Variants in INPP4A observed in about 807,000 individuals in gnomAD.
The protein encoded by INPP4A is inositol polyphosphate-4-phosphatase, type I, 107kD.
Under a neutral mutation model 119.8 loss-of-function variants are expected in INPP4A, and 33 were observed. That is an observed-to-expected ratio of 0.28 (90% CI 0.21 to 0.37). The LOEUF (loss-of-function observed/expected upper bound fraction) is 0.37, where lower values mean the gene tolerates loss of function less well. INPP4A is among the 10% of genes least tolerant of loss of function. INPP4A has a pLI of 1.00. For synonymous variants in INPP4A, 496 were observed against 500.7 expected (o/e 0.99, Z 0.12); for missense variants, 956 against 1,289.9 (o/e 0.74, Z 3.97).
At chr2:98,531,409 A>G (rs222) in intron 4 of INPP4A, among the ~76,000 whole-genome samples, 36,808 of 152,188 alleles carry the variant, frequency 0.24, 4,902 homozygotes, top group African/African-American at 0.34. Context: ...TAAAAACAGC[A>G]TAGTGAGAGG....
At chr2:98,575,299 C>T (rs1217848968) in intron 23 of INPP4A, among the ~76,000 whole-genome samples, 1 of 152,240 alleles carries the variant, frequency 6.6e-6, no homozygotes, top group Non-Finnish European at 1.5e-5. Context: ...CACTGGCCAT[C>T]CCTGCCTGCC....
intron 11 of INPP4A, among the ~76,000 whole-genome samples, chr2:98,544,576 A>G (rs1393097305): frequency 6.6e-6 from 1 of 152,264 alleles, no homozygotes; most frequent in African/African-American, 2.4e-5. Flanking sequence ...TTTGATTTTC[A>G]AAACACTCTC....
rs1700412082 is a variant in INPP4A, at chr2:98,591,693, C to T, written c.*4085C>T. On this transcript the variant is annotated 3_prime_UTR_variant, in exon 25 of 25. Coordinates refer to ENST00000409851, the MANE Select transcript of INPP4A (RefSeq NM_001134225.2). ...ATCTAGGGGAGTTGTCCCAGGGAGG[C>T]TTTGCGCTGGAGGAAGGTAAGAGGA... 6.6e-6 allele frequency: 1 copy of T among 152,192 alleles called. No individual in the cohort carries two copies. The highest frequency in any genetic ancestry group is 1.9e-4 in the East Asian group (1 of 5,172). 9.4% of individuals were successfully genotyped at this position (152,192 alleles called of 1,614,324 possible).
intron 10 of INPP4A, 35 bp downstream of exon 10, chr2:98,539,710 A>G (rs1691028074): frequency 6.3e-7 from 1 of 1,581,592 alleles, no homozygotes; most frequent in South Asian, 1.2e-5. Context: ...TGTCCATCAT[A>G]CCCATGTCAT....
At chr2:98,567,130 G>A (rs185221428) in intron 21 of INPP4A, among the ~76,000 whole-genome samples, 2 of 152,300 alleles carry the variant, frequency 1.3e-5, no homozygotes, top group Non-Finnish European at 2.9e-5. Context: ...TCGCTGGCAC[G>A]TGCCGGGAGG....
chr2:98,499,162 T>A (rs1682626578), intron 1 of INPP4A, among the ~76,000 whole-genome samples: 1 of 152,214 alleles, frequency 6.6e-6, no homozygotes. Flanking sequence ...TTTCTACCCT[T>A]CTTCATATAT....
chr2:98,490,650 T>C (rs1271563198), intron 1 of INPP4A, among the ~76,000 whole-genome samples: 1 of 152,178 alleles, frequency 6.6e-6, no homozygotes, highest in Non-Finnish European at 1.5e-5. Flanking sequence ...GATACTTTCC[T>C]TCCTCTCTTC....
At position 98,539,673 on chromosome 2, in the gene INPP4A, C is replaced by A; in HGVS notation, c.816C>A (p.Ala272=). 6.2e-7 allele frequency: 1 copy of A among 1,606,382 alleles called. No individual in the cohort carries two copies. Among genetic ancestry groups the A allele is most frequent in the Non-Finnish European group, 8.5e-7 (1 of 1,176,786 alleles). The change falls in exon 10 of 25, where the codon GCC becomes GCA. Residue 272 remains alanine, a splice_region_variant and synonymous_variant. Transcript: ENST00000409851. The part of the protein sequence containing the change: ...FVKLLLEEDA[A]RVCELEELGE... ...AGCTCCTACTAGAGGAAGATGCAGC[C>A]AGGTGAGGCCACATGGAAGGACTGA... is the stretch of plus-strand genomic sequence containing the variant.
chr2:98,547,475 G>A (rs1692676369), intron 13 of INPP4A, among the ~76,000 whole-genome samples: 1 of 152,204 alleles, frequency 6.6e-6, no homozygotes, highest in Admixed American at 6.5e-5. Flanking sequence ...CCAAGCTGTT[G>A]TGTTAGATGT....
intron 1 of INPP4A, among the ~76,000 whole-genome samples, chr2:98,492,070 A>T (rs1362469344): frequency 6.6e-6 from 1 of 152,042 alleles, no homozygotes; most frequent in Non-Finnish European, 1.5e-5. Context: ...TTGTATTTTC[A>T]GTAGTGATGG....
At chr2:98,535,337 A>G (rs1024551519) in intron 5 of INPP4A, among the ~76,000 whole-genome samples, 1 of 152,284 alleles carries the variant, frequency 6.6e-6, no homozygotes, top group Admixed American at 6.5e-5. Flanking sequence ...TCTTAAAGGA[A>G]TAACTCAAAG....
chr2:98,580,788 CTGCCACTT>C (rs1455862650), intron 24 of INPP4A, among the ~76,000 whole-genome samples: 2 of 152,356 alleles, frequency 1.3e-5, no homozygotes, highest in East Asian at 3.9e-4. Flanking sequence ...TGTGTCACTG[CTGCCACTT>C]GGCAGACATA....
At chr2:98,493,123 A>G (rs1681181940) in intron 1 of INPP4A, among the ~76,000 whole-genome samples, 2 of 152,116 alleles carry the variant, frequency 1.3e-5, no homozygotes, top group Non-Finnish European at 2.9e-5. Context: ...GTCCTTGAAG[A>G]TTGGACAACA....
intron 4 of INPP4A, 92 bp from the exon 5 acceptor site, chr2:98,533,285 C>A: frequency 1.3e-6 from 1 of 762,040 alleles, no homozygotes; most frequent in Non-Finnish European, 2.3e-6. Context: ...ATGTCATTTA[C>A]TCTTTGTGCT....
At chr2:98,509,161 A>G (rs1041271884) in intron 1 of INPP4A, among the ~76,000 whole-genome samples, 1 of 152,148 alleles carries the variant, frequency 6.6e-6, no homozygotes, top group African/African-American at 2.4e-5. Flanking sequence ...TCATCTTTGT[A>G]TCCCTAAGGC....
intron 1 of INPP4A, among the ~76,000 whole-genome samples, chr2:98,516,766 A>T (rs1259195862): frequency 2.0e-5 from 3 of 152,152 alleles, no homozygotes. Flanking sequence ...GTGACACAAG[A>T]GTATGGCTGT....
chr2:98,539,806 CTG>C, intron 10 of INPP4A, 131 bp downstream of exon 10: 1 of 902,958 alleles, frequency 1.1e-6, no homozygotes, highest in Non-Finnish European at 1.6e-6. Flanking sequence ...CCCTGCAGCT[CTG>C]TGGCCTTGGC....
At chr2:98,537,635 T>C (rs1366352007) in intron 7 of INPP4A, among the ~76,000 whole-genome samples, 1 of 152,158 alleles carries the variant, frequency 6.6e-6, no homozygotes, top group East Asian at 1.9e-4. Flanking sequence ...CACACTTCCC[T>C]GTGGTGCGTG....
chr2:98,456,685 A>G (rs1456090176), intron 1 of INPP4A, among the ~76,000 whole-genome samples: 1 of 152,172 alleles, frequency 6.6e-6, no homozygotes. Context: ...GAAACACTGC[A>G]GAGACCATGA....
Sources: allele counts gnomAD v4.1 joint callset (sites outside exome capture counted in the v4.1 genomes callset), GRCh38; gene constraint gnomAD v4.1.1; transcripts MANE v1.5; gene names NCBI Gene and HGNC (gene_info 2026-07-23, HGNC 2026-07-21).